EIF4ENIF1: variants seen among roughly 807,000 people sequenced by gnomAD.
EIF4ENIF1 encodes the protein eukaryotic translation initiation factor 4E nuclear import factor 1.
A neutral mutation model predicts 110.5 loss-of-function variants in EIF4ENIF1; 23 were observed. The ratio of observed to expected loss-of-function variants is 0.21; its 90% CI spans 0.15 to 0.29. The LOEUF is 0.29. Among genes scored for constraint, EIF4ENIF1 ranks in the 10% least tolerant of loss-of-function variants. The pLI is 1.00. For synonymous variants in EIF4ENIF1, 440 were observed against 437.0 expected (o/e 1.01, Z -0.09); for missense variants, 1,031 against 1,221.1 (o/e 0.84, Z 2.32).
intron 15 of EIF4ENIF1, chr22:31,443,395 T>C (rs547522763): frequency 3.9e-5 from 10 of 258,414 alleles, no homozygotes; most frequent in African/African-American, 7.3e-5. Context: ...GCCAGAAATA[T>C]AACTTGGAGC....
At chr22:31,437,328 G>A (rs558235955), downstream of EIF4ENIF1, 1 of 151,944 alleles carries the variant, frequency 6.6e-6, no homozygotes, top group South Asian at 2.1e-4. Flanking sequence ...GATTGCTTGT[G>A]AACTCATCTC....
At chr22:31,491,036 G>C (rs2052262054), upstream of EIF4ENIF1, among the ~76,000 whole-genome samples, 1 of 152,074 alleles carries the variant, frequency 6.6e-6, no homozygotes, top group Non-Finnish European at 1.5e-5. Context: ...TTTTTTTACA[G>C]GCAAGAGGCA....
At chr22:31,479,084 A>T (rs982695871) in intron 2 of EIF4ENIF1, among the ~76,000 whole-genome samples, 8 of 144,404 alleles carry the variant, frequency 5.5e-5, no homozygotes, top group Non-Finnish European at 7.6e-5. Flanking sequence ...CTCGAAAGAA[A>T]TTTTTTTTTT....
At chr22:31,449,163 A>G (rs13057504) in intron 12 of EIF4ENIF1, among the ~76,000 whole-genome samples, 185 bp downstream of exon 12, 34,516 of 151,996 alleles carry the variant, frequency 0.23, 5,048 homozygotes, top group East Asian at 0.46. Flanking sequence ...GGCATGCACC[A>G]CCACGTCTGG....
At chr22:31,476,598 A>G (rs1008608213) in intron 2 of EIF4ENIF1, among the ~76,000 whole-genome samples, 3 of 152,182 alleles carry the variant, frequency 2.0e-5, no homozygotes, top group African/African-American at 7.2e-5. Flanking sequence ...ATTAGTTTAA[A>G]AATAGGAAAA....
intron 15 of EIF4ENIF1, 157 bp downstream of exon 15, chr22:31,444,449 A>G: frequency 1.4e-6 from 1 of 702,590 alleles, no homozygotes; most frequent in Non-Finnish European, 2.5e-6. Flanking sequence ...CTGTGTCCTA[A>G]AAGGGAAAGA....
upstream of EIF4ENIF1, among the ~76,000 whole-genome samples, chr22:31,491,592 T>G (rs555156571): frequency 2.6e-5 from 4 of 152,312 alleles, no homozygotes; most frequent in African/African-American, 9.6e-5. Context: ...TTGGGGGTGA[T>G]GAAGTCTTGC....
intron 13 of EIF4ENIF1, 56 bp from the exon 14 acceptor site, chr22:31,447,621 C>A: frequency 6.5e-7 from 1 of 1,530,854 alleles, no homozygotes; most frequent in South Asian, 1.2e-5. Flanking sequence ...ACACTTTCTA[C>A]AAAGGTTTCT....
intron 2 of EIF4ENIF1, among the ~76,000 whole-genome samples, chr22:31,487,752 T>C (rs1260844534): frequency 7.0e-6 from 1 of 143,134 alleles, no homozygotes; most frequent in African/African-American, 2.6e-5. Context: ...ATTGCACCAC[T>C]GCATTCCAGC....
At chr22:31,487,185 A>G (rs1446032614) in intron 2 of EIF4ENIF1, among the ~76,000 whole-genome samples, 2 of 152,228 alleles carry the variant, frequency 1.3e-5, no homozygotes, top group Non-Finnish European at 2.9e-5. Context: ...AACACTACTC[A>G]AACACTCTCA....
intron 14 of EIF4ENIF1, 104 bp from the exon 15 acceptor site, chr22:31,444,794 C>T (rs978334256): frequency 3.8e-6 from 4 of 1,050,026 alleles, no homozygotes; most frequent in Admixed American, 1.8e-5. Context: ...CATCCCCTTT[C>T]CCTTATCCAA....
chr22:31,448,073 A>G (rs2050531042), intron 13 of EIF4ENIF1, 80 bp downstream of exon 13: 5 of 1,501,964 alleles, frequency 3.3e-6, no homozygotes, highest in African/African-American at 2.8e-5. Flanking sequence ...AAGAATCACA[A>G]CAGTTCAGCT....
At chr22:31,482,277 T>A (rs1215614726) in intron 2 of EIF4ENIF1, among the ~76,000 whole-genome samples, 3 of 152,246 alleles carry the variant, frequency 2.0e-5, no homozygotes, top group African/African-American at 7.2e-5. Flanking sequence ...GTTCTGAGTG[T>A]CTCTGCTTTT....
At chr22:31,438,147 A>G (rs1308608234), downstream of EIF4ENIF1, among the ~76,000 whole-genome samples, 1 of 152,108 alleles carries the variant, frequency 6.6e-6, no homozygotes, top group African/African-American at 2.4e-5. Context: ...CCTTTACCTC[A>G]TTATCTGACC....
intron 13 of EIF4ENIF1, 35 bp from the exon 14 acceptor site, chr22:31,447,600 G>C: frequency 1.3e-6 from 2 of 1,570,224 alleles, no homozygotes; most frequent in Non-Finnish European, 8.6e-7. Context: ...CAGGAGAAGA[G>C]TAAGGACACC....
upstream of EIF4ENIF1, among the ~76,000 whole-genome samples, chr22:31,492,763 G>A (rs761372281): frequency 1.3e-5 from 2 of 152,146 alleles, no homozygotes; most frequent in African/African-American, 2.4e-5. Flanking sequence ...AAGGAGTCTC[G>A]CTGTATCGCC....
chr22:31,476,039 G>C (rs1257108423), intron 2 of EIF4ENIF1, among the ~76,000 whole-genome samples: 2 of 151,974 alleles, frequency 1.3e-5, no homozygotes, highest in African/African-American at 4.8e-5. Context: ...AAGGACAAGA[G>C]GGCTTAAAAT....
chr22:31,463,079 A>G lies in EIF4ENIF1; in HGVS notation c.640T>C (p.Tyr214His). Residue 214 changes from tyrosine to histidine, a missense_variant, in exon 6 of 19, where the codon TAC becomes CAC. By Grantham distance (83) the Tyr-to-His change is moderately conservative. Around this residue, in one of 3 missense-constraint regions of EIF4ENIF1, gnomAD observed 704 missense variants for 879.7 expected, o/e 0.80. Coordinates refer to ENST00000330125, the MANE Select transcript of EIF4ENIF1 (RefSeq NM_019843.4). ...VFGERRRNDS[Y>H]TEEEPEWFSA... ...AACCACTCTGGTTCTTCTTCTGTGTAAGAATCATTTCTTCTACGCTCACCA... is the reference window on the plus strand; with the variant it reads ...AACCACTCTGGTTCTTCTTCTGTGTGAGAATCATTTCTTCTACGCTCACCA... 3 of 1,614,146 alleles carry G rather than the reference A, an allele frequency of 1.9e-6. No individual in the cohort carries two copies. Among genetic ancestry groups the G allele is most frequent in the Non-Finnish European group, 2.5e-6 (3 of 1,180,030 alleles).
downstream of EIF4ENIF1, chr22:31,437,696 T>C (rs2050193248): frequency 6.6e-6 from 1 of 152,128 alleles, no homozygotes; most frequent in Non-Finnish European, 1.5e-5. Flanking sequence ...CTTGCACCTA[T>C]TAACGTTGGT....
Sources: gnomAD v4.1 joint callset for allele counts (sites outside exome capture counted in the v4.1 genomes callset) on GRCh38, gnomAD v4.1.1 for gene constraint, gnomAD v4.1.1 regional missense constraint, MANE v1.5 for transcripts, NCBI Gene and HGNC (gene_info 2026-07-23, HGNC 2026-07-21) for gene names.